The following AHCTF1 variants were observed in gnomAD, a reference collection of about 807,000 sequenced individuals.
AHCTF1 encodes the protein protein ELYS.
In AHCTF1, 24 loss-of-function variants were observed where a neutral mutation model predicts 248.4. The observed-to-expected ratio is 0.10, with a 90% CI of 0.07 to 0.14. The LOEUF is 0.14. Ranked by LOEUF, AHCTF1 falls within the 10% of genes least tolerant of loss-of-function variation. The pLI, the probability that AHCTF1 is intolerant of heterozygous loss-of-function variation, is 1.00. For synonymous variants in AHCTF1, 786 were observed against 929.8 expected (o/e 0.85, Z 2.81); for missense variants, 2,206 against 2,636.2 (o/e 0.84, Z 3.57).
intron 24 of AHCTF1, among the ~76,000 whole-genome samples, chr1:246,872,800 G>A (rs965437062): frequency 2.6e-5 from 4 of 152,082 alleles, no homozygotes; most frequent in Non-Finnish European, 5.9e-5. Context: ...TGCTGCTGTC[G>A]AGACCAAGAG....
At chr1:246,845,499 A>G (rs942284859) in intron 33 of AHCTF1, among the ~76,000 whole-genome samples, 4 of 152,220 alleles carry the variant, frequency 2.6e-5, no homozygotes, top group Admixed American at 2.0e-4. Context: ...CAGATGAACA[A>G]AAGTATTTCT....
chr1:246,898,707 A>G (rs1327355027), intron 11 of AHCTF1, among the ~76,000 whole-genome samples: 1 of 152,128 alleles, frequency 6.6e-6, no homozygotes, highest in African/African-American at 2.4e-5. Context: ...AATGTGAAAG[A>G]GATTTGATAT....
chr1:246,849,245 G>C (rs770366664), intron 33 of AHCTF1, among the ~76,000 whole-genome samples: 1 of 152,128 alleles, frequency 6.6e-6, no homozygotes, highest in Non-Finnish European at 1.5e-5. Context: ...AAACAATTTC[G>C]GGTTGTGGAT....
chr1:246,854,202 G>A (rs1434253091), intron 31 of AHCTF1, among the ~76,000 whole-genome samples: 2 of 151,438 alleles, frequency 1.3e-5, no homozygotes, highest in Non-Finnish European at 1.5e-5. Flanking sequence ...GGGAGACTGA[G>A]GCAGGAGAAT....
chr1:246,879,836 C>T (rs541124601), intron 21 of AHCTF1, among the ~76,000 whole-genome samples: 6 of 140,438 alleles, frequency 4.3e-5, no homozygotes, highest in African/African-American at 1.0e-4. Context: ...CCCCCAACCC[C>T]GCCAAAAAAA....
chr1:246,842,363 C>T (rs1659933996), intron 35 of AHCTF1, among the ~76,000 whole-genome samples: 1 of 152,040 alleles, frequency 6.6e-6, no homozygotes, highest in Admixed American at 6.5e-5. Context: ...AGGCGGATCA[C>T]TTGAGACCAG....
At chr1:246,869,152 G>GT (rs533491894) in intron 24 of AHCTF1, among the ~76,000 whole-genome samples, 11 of 152,018 alleles carry the variant, frequency 7.2e-5, no homozygotes, top group East Asian at 3.9e-4. Context: ...CGTGTGTTTT[G>GT]TTTTTTTAAA....
In AHCTF1 at chr1:246,840,239, T is replaced by G. The variant is rs1027239209; in HGVS notation, c.*567A>C. On this transcript the variant is annotated 3_prime_UTR_variant, in exon 36 of 36. Transcript: ENST00000648844. ...GTTAACCAATACTTGGATTATTCAT[T>G]TGAGGTAGATTACACAAAATTTGTG... The G allele has an allele frequency of 6.6e-6, 1 of 152,644 alleles. No individual in the cohort carries two copies. The highest frequency in any genetic ancestry group is 1.5e-5 in the Non-Finnish European group (1 of 68,042). 9.5% of individuals were successfully genotyped at this position (152,644 alleles called of 1,614,324 possible).
At position 246,850,926 on chromosome 1, in the gene AHCTF1, G is replaced by A. The variant is rs1389688907; in HGVS notation, c.5080C>T (p.His1694Tyr). Residue 1694 changes from histidine to tyrosine, a missense_variant, in exon 33 of 36, where the codon CAT becomes TAT. Physicochemically the swap from His to Tyr is moderately conservative, Grantham distance 83. Transcript: ENST00000648844. ...ITSDTMEQSI[H>Y]ETIPLVSQNI... ...TGGCTCACTAAAGGTATTGTTTCAT[G>A]AATGGACTGTTCCATTGTATCTGAA... is the stretch of plus-strand genomic sequence containing the variant. The A allele has an allele frequency of 6.2e-7, 1 of 1,613,852 alleles. No homozygotes were observed. The highest frequency in any genetic ancestry group is 8.5e-7 in the Non-Finnish European group (1 of 1,179,876).
chr1:246,854,856 CTT>C (rs1660994840), intron 31 of AHCTF1, among the ~76,000 whole-genome samples: 1 of 152,228 alleles, frequency 6.6e-6, no homozygotes, highest in African/African-American at 2.4e-5. Flanking sequence ...CAGGCACCGT[CTT>C]GTCTCCTCTT....
At chr1:246,911,371 C>T (rs922637254) in intron 4 of AHCTF1, among the ~76,000 whole-genome samples, 6 of 151,400 alleles carry the variant, frequency 4.0e-5, no homozygotes, top group African/African-American at 1.5e-4. Flanking sequence ...TTAGTTATTG[C>T]TTTTGCTCAT....
intron 24 of AHCTF1, among the ~76,000 whole-genome samples, chr1:246,869,085 C>T (rs1016327804): frequency 4.6e-5 from 7 of 151,196 alleles, no homozygotes; most frequent in African/African-American, 7.4e-5. Context: ...ACCTCGTGAT[C>T]CGCCCGCCTT....
chr1:246,893,757 A>G (rs925835333), intron 14 of AHCTF1, among the ~76,000 whole-genome samples: 16 of 152,224 alleles, frequency 1.1e-4, no homozygotes, highest in African/African-American at 3.9e-4. Flanking sequence ...GAAACTTCTG[A>G]GGGTTACCTA....
At chr1:246,842,048 C>G (rs913161733) in intron 35 of AHCTF1, among the ~76,000 whole-genome samples, 2 of 151,776 alleles carry the variant, frequency 1.3e-5, no homozygotes, top group Non-Finnish European at 2.9e-5. Context: ...CCACCTCGGC[C>G]TCCCAAAGTG....
In AHCTF1 at chr1:246,895,947, G is replaced by A. The variant is rs776489117; in HGVS notation, c.1624-22C>T. On this transcript the variant is annotated intron_variant, in intron 12 of 35. Transcript: ENST00000648844. ...CTTCCTAAACCATGCATTACAGAAAGGAAAGAAATGGAAAGAAAGAGGGTG... is the reference window on the plus strand; with the variant it reads ...CTTCCTAAACCATGCATTACAGAAAAGAAAGAAATGGAAAGAAAGAGGGTG... 2.5e-6 allele frequency: 4 copies of A among 1,569,736 alleles called. No homozygotes were observed. The Admixed American group carries it at 7.0e-5, about 28-fold the overall frequency.
At chr1:246,877,754 T>A (rs1180884563) in intron 21 of AHCTF1, among the ~76,000 whole-genome samples, 2 of 152,110 alleles carry the variant, frequency 1.3e-5, no homozygotes, top group Non-Finnish European at 2.9e-5. Context: ...TTGGTTGATT[T>A]GCAGCAAGAT....
intron 24 of AHCTF1, among the ~76,000 whole-genome samples, chr1:246,875,544 G>A (rs986651702): frequency 6.6e-6 from 1 of 152,178 alleles, no homozygotes; most frequent in Non-Finnish European, 1.5e-5. Context: ...GGTATCACAT[G>A]CTACAGAGAA....
chr1:246,906,846 T>C (rs947083423), intron 5 of AHCTF1, among the ~76,000 whole-genome samples: 1 of 152,220 alleles, frequency 6.6e-6, no homozygotes, highest in African/African-American at 2.4e-5. Flanking sequence ...TTTTGTAACT[T>C]TGATTTTTAA....
intron 8 of AHCTF1, 21 bp from the exon 9 acceptor site, chr1:246,900,490 T>C: frequency 6.3e-6 from 10 of 1,578,854 alleles, no homozygotes; most frequent in Non-Finnish European, 8.5e-6. Context: ...AAGATAATTT[T>C]TAAAAACAGA....
Sources: gnomAD v4.1 joint callset for allele counts (sites outside exome capture counted in the v4.1 genomes callset) on GRCh38, gnomAD v4.1.1 for gene constraint, MANE v1.5 for transcripts, NCBI Gene and HGNC (gene_info 2026-07-23, HGNC 2026-07-21) for gene names.